ECE1: variants seen among roughly 807,000 people sequenced by gnomAD.
ECE1 encodes endothelin converting enzyme 1, also known as endothelin-converting enzyme 1.
ECE1 carries 35 observed loss-of-function variants against 98.6 expected under a neutral mutation model. The ratio of observed to expected loss-of-function variants is 0.35; its 90% CI spans 0.27 to 0.47. The LOEUF is 0.47. Ranked by LOEUF, ECE1 falls within the 20% of genes least tolerant of loss-of-function variation. ECE1 has a pLI of 1.00. For synonymous variants in ECE1, 394 were observed against 407.1 expected (o/e 0.97, Z 0.39); for missense variants, 814 against 1,025.3 (o/e 0.79, Z 2.81).
intron 1 of ECE1, among the ~76,000 whole-genome samples, chr1:21,334,470 T>G (rs1421810982): frequency 6.6e-6 from 1 of 152,216 alleles, no homozygotes; most frequent in Non-Finnish European, 1.5e-5. Context: ...CGTGGCCGTG[T>G]GAACAGCAGC....
chr1:21,271,045 T>C (rs2103319276), intron 4 of ECE1, among the ~76,000 whole-genome samples: 1 of 152,340 alleles, frequency 6.6e-6, no homozygotes, highest in South Asian at 2.1e-4. Context: ...CTGCATGCCC[T>C]TTCAAAGGCA....
chr1:21,260,728 G>A lies in ECE1; in HGVS notation c.494-336C>T, dbSNP rs2098225680. On this transcript the variant is annotated intron_variant, in intron 4 of 18. Coordinates refer to ENST00000374893, the MANE Select transcript of ECE1 (RefSeq NM_001397.3). This position sits in a 1 kb window ranked among gnomAD's most constrained non-coding sequence, Gnocchi z 4.3. ...AGTGTTCTTCCCCTGTGGATAACGT[G>A]TGGTACGAACACCCCTGCCTGGTGC... 2.0e-5 allele frequency among the ~76,000 whole-genome samples: 3 copies of A among 152,350 alleles called. No homozygotes were observed. Among genetic ancestry groups the A allele is most frequent in the African/African-American group, 7.2e-5 (3 of 41,570 alleles).
intron 8 of ECE1, among the ~76,000 whole-genome samples, chr1:21,253,142 C>T (rs946282433): frequency 5.3e-5 from 8 of 151,958 alleles, no homozygotes; most frequent in African/African-American, 1.2e-4. Flanking sequence ...ATGCAACCTC[C>T]GCCTCCTGGG....
chr1:21,278,904 T>C lies in ECE1; in HGVS notation c.280+287A>G, dbSNP rs144351470. Among the ~76,000 whole-genome samples, 322 of 152,234 alleles carry C rather than the reference T, an allele frequency of 2.1e-3. 2 individuals carry two copies. The highest frequency in any genetic ancestry group is 7.4e-3 in the African/African-American group (307 of 41,546). Reference sequence around the variant, plus strand: ...CCCCAGTTGGGTACTGTTTTCCCATTTAAATTAGAGAAGACACAGGCTGAG... The same window carrying C: ...CCCCAGTTGGGTACTGTTTTCCCATCTAAATTAGAGAAGACACAGGCTGAG... On this transcript the variant is annotated intron_variant, in intron 3 of 18. Transcript: ENST00000374893.
intron 1 of ECE1, among the ~76,000 whole-genome samples, chr1:21,329,867 A>G (rs1639159249): frequency 6.6e-6 from 1 of 152,156 alleles, no homozygotes; most frequent in African/African-American, 2.4e-5. Context: ...GGATGGGAAA[A>G]TGGTCTAGGG....
chr1:21,234,608 A>G (rs2098185833), intron 13 of ECE1, among the ~76,000 whole-genome samples: 1 of 151,954 alleles, frequency 6.6e-6, no homozygotes, highest in African/African-American at 2.4e-5. Flanking sequence ...CCTCCCATGT[A>G]GCTGGGACTA....
chr1:21,306,034 C>T (rs1277468386), intron 1 of ECE1, among the ~76,000 whole-genome samples: 1 of 152,236 alleles, frequency 6.6e-6, no homozygotes, highest in Non-Finnish European at 1.5e-5. Context: ...ATCCATCCTT[C>T]TCCACATCCA....
chr1:21,236,793 T>A lies in ECE1; in HGVS notation c.1441A>T (p.Thr481Ser). The change falls in exon 12 of 19, where the codon ACC becomes TCC. Residue 481 changes from threonine (T) to serine (S), a missense_variant. By Grantham distance (58) the Thr-to-Ser change is moderately conservative. Around this residue, in one of 3 missense-constraint regions of ECE1, gnomAD observed 452 missense variants for 567.3 expected, o/e 0.80. Transcript: ENST00000374893. ...GTTTCCTCATCCATCCACTTCAGGG[T>A]GCTCAGGCTTTCCTCAAATGCCTTC... ...IKKAFEESLS[T>S]LKWMDEETRK... The A allele has an allele frequency of 6.2e-7, 1 of 1,614,012 alleles. No individual in the cohort carries two copies.
chr1:21,337,786 C>T (rs1068763), intron 1 of ECE1, among the ~76,000 whole-genome samples: 4,820 of 152,232 alleles, frequency 0.032, 239 homozygotes, highest in African/African-American at 0.1. Context: ...AGAGGTGACA[C>T]GCTGTCCAAG....
Position 21,345,496 on chromosome 1 carries a change from G to T in ECE1, c.-118C>A, listed in dbSNP as rs939342728. On this transcript the variant is annotated 5_prime_UTR_variant, in exon 1 of 19. Transcript: ENST00000415912. The surrounding 1 kb of genome is among the most constrained non-coding windows in gnomAD (Gnocchi z 5.1). ...GACGGCTCGGCTGCCTGGCCCAGGC[G>T]GCGCGCTCAGCTCCAGCGGGCGAGC... 6.0e-6 allele frequency: 6 copies of T among 1,000,836 alleles called. No individual in the cohort carries two copies. Among genetic ancestry groups the T allele is most frequent in the East Asian group, 3.7e-5 (1 of 26,850 alleles). The allele number at this position is 1,000,836 out of a possible 1,614,324, so 62.0% of individuals were successfully genotyped here.
At chr1:21,289,833 G>C (rs1158611442) in intron 2 of ECE1, among the ~76,000 whole-genome samples, 2 of 152,150 alleles carry the variant, frequency 1.3e-5, no homozygotes, top group Non-Finnish European at 2.9e-5. Context: ...CCAGAAGCAG[G>C]TGGCCGGGAG....
intron 3 of ECE1, among the ~76,000 whole-genome samples, chr1:21,277,265 G>T (rs952704473): frequency 1.3e-5 from 2 of 152,190 alleles, no homozygotes; most frequent in African/African-American, 2.4e-5. Flanking sequence ...CCTCCCAAGG[G>T]GCCCCACTGG....
In ECE1 at chr1:21,235,002, G is replaced by A. The variant is rs891686357; in HGVS notation, c.1566+848C>T. ...AGTCTTAGGTTCTAAATATAACCAT[G>A]ACGAGAGGTTATTAGATTTTTAAAT... On this transcript the variant is annotated intron_variant, in intron 13 of 18. Coordinates refer to ENST00000374893, the MANE Select transcript of ECE1 (RefSeq NM_001397.3). This position sits in a 1 kb window ranked among gnomAD's most constrained non-coding sequence, Gnocchi z 4.2. 1.1e-4 allele frequency among the ~76,000 whole-genome samples: 16 copies of A among 152,302 alleles called. No individual in the cohort carries two copies. The highest frequency in any genetic ancestry group is 3.8e-4 in the African/African-American group (16 of 41,566).
Position 21,258,881 on chromosome 1 carries a change from G to A in ECE1, c.616-42C>T. 1 of 1,611,972 alleles carries A rather than the reference G, an allele frequency of 6.2e-7. No individual in the cohort carries two copies. The highest frequency in any genetic ancestry group is 1.1e-5 in the South Asian group (1 of 90,824). On this transcript the variant is annotated intron_variant, in intron 5 of 18. Coordinates refer to ENST00000374893, the MANE Select transcript of ECE1 (RefSeq NM_001397.3). The surrounding 1 kb of genome is among the most constrained non-coding windows in gnomAD (Gnocchi z 4.2). Reference sequence around the variant, plus strand: ...CAGGCAGGGAGGTGATGAGGTGGCGGGGAGACCCAGATGTGAATTCTGGTT... The same window carrying A: ...CAGGCAGGGAGGTGATGAGGTGGCGAGGAGACCCAGATGTGAATTCTGGTT...
rs185247696 is a variant in ECE1 at position 21,333,104 on chromosome 1, C to A, written c.3+12272G>T. 6.9e-4 allele frequency among the ~76,000 whole-genome samples: 105 copies of A among 152,266 alleles called. No individual in the cohort carries two copies. The East Asian group carries it at 9.7e-3, about 14-fold the overall frequency. On this transcript the variant is annotated intron_variant, in intron 1 of 18. Coordinates refer to the ECE1 transcript ENST00000415912. ...CACGCCTGCTAAAAGTCCTTGGTGA[C>A]AATTCAATGGCAGATCCAGGGTTCA...
chr1:21,225,175 G>A lies in ECE1; in HGVS notation c.2040+75C>T. On this transcript the variant is annotated intron_variant, in intron 17 of 18. Transcript: ENST00000374893. The surrounding 1 kb of genome is among the most constrained non-coding windows in gnomAD (Gnocchi z 5.3). The stretch of plus-strand genomic sequence containing the variant: ...TGCTGCGCCTGCCCTGGTTGTCCGT[G>A]ATGATCCTCTACGGACAGGCATCTG... 6.4e-7 allele frequency: 1 copy of A among 1,564,574 alleles called. No homozygotes were observed. Among genetic ancestry groups the A allele is most frequent in the South Asian group, 1.1e-5 (1 of 89,340 alleles).
At chr1:21,286,794 C>A (rs927966008) in intron 2 of ECE1, among the ~76,000 whole-genome samples, 2 of 151,710 alleles carry the variant, frequency 1.3e-5, no homozygotes, top group African/African-American at 4.8e-5. Flanking sequence ...GGCATGGTGG[C>A]ACATGCCTGT....
chr1:21,277,172 A>T (rs1229250780), intron 3 of ECE1, among the ~76,000 whole-genome samples: 1 of 152,124 alleles, frequency 6.6e-6, no homozygotes, highest in African/African-American at 2.4e-5. Flanking sequence ...ACTCCAGGGG[A>T]AGAATGTTCC....
At position 21,340,250 on chromosome 1, in the gene ECE1, G is replaced by C. The variant is rs1416371007; in HGVS notation, c.3+5126C>G. ...AGGGCCCTCGGCTGGTTATCTGCCT[G>C]AAAGGATGAGGGGAAGGGTCAATAC... On this transcript the variant is annotated intron_variant, in intron 1 of 18. Transcript: ENST00000415912. This position sits in a 1 kb window ranked among gnomAD's most constrained non-coding sequence, Gnocchi z 4.6. Among the ~76,000 whole-genome samples the C allele has an allele frequency of 6.6e-6, 1 of 152,250 alleles. No homozygotes were observed. Among genetic ancestry groups the C allele is most frequent in the Non-Finnish European group, 1.5e-5 (1 of 68,036 alleles).
Sources: gnomAD v4.1 joint callset for allele counts (sites outside exome capture counted in the v4.1 genomes callset) on GRCh38, gnomAD v4.1.1 for gene constraint, gnomAD v4.1.1 regional missense constraint, Gnocchi (gnomAD v3.1) non-coding constraint, MANE v1.5 for transcripts, NCBI Gene and HGNC (gene_info 2026-07-23, HGNC 2026-07-21) for gene names.